Variants in SLC4A4 observed in about 807,000 individuals in gnomAD.
The protein encoded by SLC4A4 is electrogenic sodium bicarbonate cotransporter 1.
A neutral mutation model predicts 111.5 loss-of-function variants in SLC4A4; 27 were observed. The observed-to-expected ratio is 0.24, with a 90% CI of 0.18 to 0.33. SLC4A4 has a LOEUF of 0.33. Ranked by LOEUF, SLC4A4 falls within the 10% of genes least tolerant of loss-of-function variation. The pLI, the probability that SLC4A4 is intolerant of heterozygous loss-of-function variation, is 1.00. For missense variants in SLC4A4, 909 were observed against 1,315.5 expected, an observed-to-expected ratio of 0.69 and a Z score of 4.78; for synonymous variants, 443 against 463.4, an observed-to-expected ratio of 0.96 and a Z score of 0.57.
chr4:71,375,896 A>G (rs906543303), intron 6 of SLC4A4, among the ~76,000 whole-genome samples: 1 of 151,974 alleles, frequency 6.6e-6, no homozygotes, highest in African/African-American at 2.4e-5. Context: ...ACTACCTGTC[A>G]TTAAAACATT....
intron 1 of SLC4A4, among the ~76,000 whole-genome samples, chr4:71,087,545 G>A (rs1742220939): frequency 1.3e-5 from 2 of 151,988 alleles, no homozygotes; most frequent in African/African-American, 4.8e-5. Context: ...GGCATTTAGT[G>A]CTATAAATTT....
At chr4:71,255,452 GAGA>G (rs1032488608) in intron 3 of SLC4A4, 53 bp downstream of exon 3, 12 of 1,563,398 alleles carry the variant, frequency 7.7e-6, no homozygotes, top group East Asian at 2.2e-5. Flanking sequence ...CCACATCTTT[GAGA>G]AGGACACCTT....
At chr4:71,293,366 C>G (rs191673259) in intron 3 of SLC4A4, among the ~76,000 whole-genome samples, 345 of 151,536 alleles carry the variant, frequency 2.3e-3, no homozygotes, top group African/African-American at 7.5e-3. Flanking sequence ...GAGTTCGAGA[C>G]CAGCCTGGGC....
At chr4:71,251,391 G>A (rs899022747) in intron 2 of SLC4A4, among the ~76,000 whole-genome samples, 1 of 152,190 alleles carries the variant, frequency 6.6e-6, no homozygotes, top group African/African-American at 2.4e-5. Context: ...ACTTGCAACT[G>A]GGGTGGAGCA....
At chr4:71,425,204 A>C (rs946484532) in intron 7 of SLC4A4, among the ~76,000 whole-genome samples, 1 of 152,072 alleles carries the variant, frequency 6.6e-6, no homozygotes, top group Non-Finnish European at 1.5e-5. Context: ...TCTCCAGAAG[A>C]TCATCGGAGA....
chr4:71,370,500 G>T (rs1731767015), intron 6 of SLC4A4, among the ~76,000 whole-genome samples: 1 of 152,174 alleles, frequency 6.6e-6, no homozygotes, highest in Non-Finnish European at 1.5e-5. Flanking sequence ...AGTCAGGCAG[G>T]AATGGGTCTG....
chr4:71,329,737 A>G (rs1727812985), intron 3 of SLC4A4, among the ~76,000 whole-genome samples: 1 of 152,150 alleles, frequency 6.6e-6, no homozygotes, highest in South Asian at 2.1e-4. Context: ...GTTTTTCCAA[A>G]TATAAGGTTA....
intron 2 of SLC4A4, among the ~76,000 whole-genome samples, chr4:71,244,742 C>T (rs926719749): frequency 6.7e-6 from 1 of 148,748 alleles, no homozygotes; most frequent in African/African-American, 2.5e-5. Context: ...GTTAACTCTT[C>T]TTACTAAATT....
In SLC4A4 at chr4:71,282,749, A is replaced by AT. The variant is rs939524509; in HGVS notation, c.253+27361dup. Among the ~76,000 whole-genome samples, 98 of 143,902 alleles carry AT rather than the reference A, an allele frequency of 6.8e-4. 2 individuals are homozygous for AT. Among genetic ancestry groups the AT allele is most frequent in the South Asian group, 2.9e-3 (13 of 4,490 alleles). 94.4% of individuals were successfully genotyped at this position (143,902 alleles called of 152,430 possible). On this transcript the variant is annotated intron_variant, in intron 3 of 25. Coordinates refer to ENST00000264485, the MANE Select transcript of SLC4A4 (RefSeq NM_001098484.3). Reference sequence around the variant, plus strand: ...AGGTGTGTGCCACCACATCTGGCTGATTTTTTTTTTTGAGACAGTGTCTCA... The same window carrying AT: ...AGGTGTGTGCCACCACATCTGGCTGATTTTTTTTTTTTGAGACAGTGTCTCA...
At chr4:71,090,408 C>T (rs1742352362) in intron 1 of SLC4A4, among the ~76,000 whole-genome samples, 1 of 152,178 alleles carries the variant, frequency 6.6e-6, no homozygotes, top group South Asian at 2.1e-4. Flanking sequence ...CTGTCCTGCA[C>T]CCACTTTCTG....
At chr4:71,156,747 A>G (rs765341634) in intron 2 of SLC4A4, among the ~76,000 whole-genome samples, 1 of 152,148 alleles carries the variant, frequency 6.6e-6, no homozygotes, top group Non-Finnish European at 1.5e-5. Context: ...CAGTGAAGCC[A>G]TCTTTGCTAC....
chr4:71,156,941 T>A (rs1010704879), intron 2 of SLC4A4, among the ~76,000 whole-genome samples: 1 of 152,196 alleles, frequency 6.6e-6, no homozygotes, highest in African/African-American at 2.4e-5. Context: ...TTTTTATTAG[T>A]TATTCTAAAT....
intron 3 of SLC4A4, among the ~76,000 whole-genome samples, chr4:71,261,282 G>T (rs1200324415): frequency 6.6e-6 from 1 of 152,212 alleles, no homozygotes; most frequent in Non-Finnish European, 1.5e-5. Flanking sequence ...GTGGCTTGGT[G>T]TACCAAGGGT....
At chr4:71,420,016 A>C (rs1722264501) in intron 7 of SLC4A4, among the ~76,000 whole-genome samples, 1 of 152,264 alleles carries the variant, frequency 6.6e-6, no homozygotes, top group South Asian at 2.1e-4. Context: ...TGAGAGAAGA[A>C]GGCTTCAGAC....
intron 16 of SLC4A4, among the ~76,000 whole-genome samples, chr4:71,529,754 C>G (rs1345248671): frequency 6.6e-6 from 1 of 152,048 alleles, no homozygotes; most frequent in Non-Finnish European, 1.5e-5. Context: ...AGCTATCTGC[C>G]TTTTAAATAA....
chr4:71,425,557 T>C (rs555016837), intron 7 of SLC4A4, among the ~76,000 whole-genome samples: 1 of 152,266 alleles, frequency 6.6e-6, no homozygotes, highest in African/African-American at 2.4e-5. Flanking sequence ...CCTGAGGCGG[T>C]CCTGACAACA....
intron 3 of SLC4A4, among the ~76,000 whole-genome samples, chr4:71,272,412 A>G (rs555854323): frequency 6.6e-6 from 1 of 152,174 alleles, no homozygotes; most frequent in South Asian, 2.1e-4. Flanking sequence ...AGGTTAAATG[A>G]CTGAAAGACA....
intron 1 of SLC4A4, among the ~76,000 whole-genome samples, chr4:71,195,134 G>C (rs1745928255): frequency 6.6e-6 from 1 of 151,508 alleles, no homozygotes; most frequent in African/African-American, 2.4e-5. Context: ...TGAAAAATCA[G>C]GCTTGCAGCA....
At chr4:71,540,549 T>G (rs1734946508) in intron 18 of SLC4A4, among the ~76,000 whole-genome samples, 1 of 152,152 alleles carries the variant, frequency 6.6e-6, no homozygotes, top group African/African-American at 2.4e-5. Context: ...GAGCATTTAT[T>G]GAGTGCTTGC....
Sources: gnomAD v4.1 joint callset for allele counts (sites outside exome capture counted in the v4.1 genomes callset) on GRCh38, gnomAD v4.1.1 for gene constraint, MANE v1.5 for transcripts, NCBI Gene and HGNC (gene_info 2026-07-23, HGNC 2026-07-21) for gene names.